The following DDX41 variants were observed in gnomAD, a reference collection of about 807,000 sequenced individuals.
DDX41 encodes probable ATP-dependent RNA helicase DDX41.
In DDX41, 50 loss-of-function variants were observed where a neutral mutation model predicts 78.8. The ratio of observed to expected loss-of-function variants is 0.63; its 90% CI spans 0.51 to 0.80. The LOEUF is 0.80. Among genes scored for constraint, DDX41 ranks in the 30% least tolerant of loss-of-function variants. DDX41 has a pLI of 0.00. For synonymous variants in DDX41, 381 were observed against 321.5 expected, an observed-to-expected ratio of 1.19 and a Z score of -1.98; for missense variants, 633 against 849.2, an observed-to-expected ratio of 0.75 and a Z score of 3.16.
rs1471357257 is a variant in DDX41, at chr5:177,512,138, G to C, written c.1690C>G (p.Gln564Glu). The C allele has an allele frequency of 6.2e-7, 1 of 1,613,478 alleles. No homozygotes were observed. Among genetic ancestry groups the C allele is most frequent in the East Asian group, 2.2e-5 (1 of 44,874 alleles). ...GACTCATCCCCGCAATGCAGCACCT[G>C]CAGCACGGGCGGCACCTTCTGCTTG... The part of the protein sequence containing the change: ...EAKQKVPPVL[Q>E]VLHCGDESML... Residue 564 changes from glutamine to glutamate, a missense_variant, in exon 16 of 17, where the codon CAG (glutamine) becomes GAG (glutamate). Physicochemically the swap from Gln to Glu is conservative, Grantham distance 29. This residue lies in a region of DDX41 where 185 missense variants were observed against 367.4 expected (regional missense o/e 0.50). Transcript: ENST00000330503.
intron 6 of DDX41, 114 bp from the exon 7 acceptor site, chr5:177,515,372 G>C (rs544838908): frequency 1.5e-5 from 5 of 329,898 alleles, no homozygotes; most frequent in African/African-American, 9.3e-5. Context: ...CTGAGGCTCA[G>C]AGAGAGAGAG....
In DDX41 at chr5:177,514,759, G is replaced by A. The variant is rs763133277; in HGVS notation, c.877C>T (p.Arg293Cys). The A allele has an allele frequency of 2.0e-5, 32 of 1,612,766 alleles. No individual in the cohort carries two copies. Among genetic ancestry groups the A allele is most frequent in the Middle Eastern group, 3.3e-4 (2 of 6,084 alleles). Residue 293 changes from arginine to cysteine, a missense_variant, in exon 9 of 17, where the codon CGC becomes TGC. By Grantham distance (180) the Arg-to-Cys change is radical. This residue lies in a region of DDX41 where 151 missense variants were observed against 169.2 expected (regional missense o/e 0.89). Coordinates refer to ENST00000330503, the MANE Select transcript of DDX41 (RefSeq NM_016222.4). This position sits in a 1 kb window ranked among gnomAD's most constrained non-coding sequence, Gnocchi z 4.2. ...ATGCCCCCAATGCAGAGGGCGCAGCGCAGGAGTGGTGAGCTGTCCTCCTGC... is the reference window on the plus strand; with the variant it reads ...ATGCCCCCAATGCAGAGGGCGCAGCACAGGAGTGGTGAGCTGTCCTCCTGC... ...LLQEDSSPLL[R>C]CALCIGGMSV...
Position 177,514,919 on chromosome 5 carries a change from G to A in DDX41, c.795C>T (p.Pro265=), listed in dbSNP as rs970017153. The A allele has an allele frequency of 1.2e-6, 2 of 1,603,908 alleles. No homozygotes were observed. The highest frequency in any genetic ancestry group is 2.2e-5 in the East Asian group (1 of 44,554). The stretch of plus-strand genomic sequence containing the variant: ...CCTCCAGGCCAGCCTATCTTACCGA[G>A]GGGCAGATGATGAGTCCATAGGGCC... ...REGPYGLIIC[P]SRELARQTHG... is the part of the protein sequence containing the mutation. The change falls in exon 8 of 17, where the codon CCC becomes CCT. Residue 265 remains proline, a synonymous_variant. Coordinates refer to ENST00000330503, the MANE Select transcript of DDX41 (RefSeq NM_016222.4). The surrounding 1 kb of genome is among the most constrained non-coding windows in gnomAD (Gnocchi z 4.2).
At chr5:177,511,992 CCCCCGTTAGGCACCCTCGGT>C (rs1372114499) in intron 16 of DDX41, 65 bp from the exon 17 acceptor site, 2 of 1,606,304 alleles carry the variant, frequency 1.2e-6, no homozygotes, top group African/African-American at 2.7e-5. Context: ...GACTTCGGGC[CCCCCGTTAGGCACCCTCGGT>C]CCACCGGTTT....
In DDX41 at chr5:177,515,790, A is replaced by T; in HGVS notation, c.466T>A (p.Ser156Thr). The T allele has an allele frequency of 6.2e-7, 1 of 1,614,190 alleles. No individual in the cohort carries two copies. The highest frequency in any genetic ancestry group is 8.5e-7 in the Non-Finnish European group (1 of 1,180,036). Reference protein sequence around the residue: ...WTPPRYVLSMSEERHERVRKK... With the variant: ...WTPPRYVLSMTEERHERVRKK... ...CGCACGCGCTCATGTCGCTCTTCAG[A>T]CATGCTCAGAACATAACGGGGTGGA... Residue 156 changes from serine to threonine, a missense_variant, in exon 6 of 17, where the codon TCT (serine) becomes ACT (threonine). Transcript: ENST00000330503.
Position 177,511,859 on chromosome 5 carries a change from T to C in DDX41, c.1801A>G (p.Met601Val). Reference sequence around the variant, plus strand: ...ATGTTGCTGACCTGCTTGGTCTGCATAGCCTCGAGTTTGGGGCAGTCAGTG... The same window carrying C: ...ATGTTGCTGACCTGCTTGGTCTGCACAGCCTCGAGTTTGGGGCAGTCAGTG... Reference protein sequence around the residue: ...RITDCPKLEAMQTKQVSNIGR... With the variant: ...RITDCPKLEAVQTKQVSNIGR... The change falls in exon 17 of 17, where the codon ATG becomes GTG. Residue 601 changes from methionine to valine, a missense_variant. Coordinates refer to ENST00000330503, the MANE Select transcript of DDX41 (RefSeq NM_016222.4). 2.5e-6 allele frequency: 4 copies of C among 1,614,136 alleles called. No homozygotes were observed. Among genetic ancestry groups the C allele is most frequent in the Non-Finnish European group, 3.4e-6 (4 of 1,180,008 alleles).
At position 177,511,833 on chromosome 5, in the gene DDX41, G is replaced by T. The variant is rs771561040; in HGVS notation, c.1827C>A (p.Ile609=). The change falls in exon 17 of 17, where the codon ATC becomes ATA. Residue 609 remains isoleucine, a synonymous_variant. Transcript: ENST00000330503. ...TGTGGGCCAGGTAGTCCTTGCGACCGATGTTGCTGACCTGCTTGGTCTGCA... is the reference window on the plus strand; with the variant it reads ...TGTGGGCCAGGTAGTCCTTGCGACCTATGTTGCTGACCTGCTTGGTCTGCA... ...EAMQTKQVSN[I]GRKDYLAHSS... is the part of the protein sequence containing the mutation. 1.2e-6 allele frequency: 2 copies of T among 1,614,144 alleles called. No homozygotes were observed. Among genetic ancestry groups the T allele is most frequent in the South Asian group, 2.2e-5 (2 of 91,086 alleles).
At position 177,516,388 on chromosome 5, in the gene DDX41, G is replaced by T. The variant is rs1231474960; in HGVS notation, c.198C>A (p.Ser66Arg). Reference protein sequence around the residue: ...KGAAEEEQQDSGSEPRGDEDD... With the variant: ...KGAAEEEQQDRGSEPRGDEDD... The stretch of plus-strand genomic sequence containing the variant: ...CCTCATCTCCCCGGGGTTCACTACC[G>T]CTGTCCTGCTGCTCTTCCTCCGCAG... Residue 66 changes from serine (S) to arginine (R), a missense_variant, in exon 3 of 17, where the codon AGC becomes AGA. Coordinates refer to ENST00000330503, the MANE Select transcript of DDX41 (RefSeq NM_016222.4). The T allele has an allele frequency of 3.1e-6, 5 of 1,613,832 alleles. No homozygotes were observed. The highest frequency in any genetic ancestry group is 4.2e-6 in the Non-Finnish European group (5 of 1,180,016).
Position 177,513,311 on chromosome 5 carries a change from C to A in DDX41, c.1230+42G>T, listed in dbSNP as rs761470066. On this transcript the variant is annotated intron_variant, in intron 11 of 16. Coordinates refer to ENST00000330503, the MANE Select transcript of DDX41 (RefSeq NM_016222.4). This position sits in a 1 kb window ranked among gnomAD's most constrained non-coding sequence, Gnocchi z 4.6. ...CTTCAGGGAGACTTGTCAGATCCAG[C>A]CCCCACAGGTGAGAGACCGCCCATC... 2.2e-5 allele frequency: 36 copies of A among 1,612,324 alleles called. 1 individual carries two copies. In the East Asian group the frequency reaches 7.6e-4, roughly 34 times the overall value.
At position 177,514,236 on chromosome 5, in the gene DDX41, G is replaced by A. The variant is rs1273397694; in HGVS notation, c.936-389C>T. 1 of 490,752 alleles carries A rather than the reference G, an allele frequency of 2.0e-6. No homozygotes were observed. The highest frequency in any genetic ancestry group is 4.0e-6 in the Non-Finnish European group (1 of 250,464). The allele number at this position is 490,752 out of a possible 1,614,324, so 30.4% of individuals were successfully genotyped here. On this transcript the variant is annotated intron_variant, in intron 9 of 16. Transcript: ENST00000330503. This position sits in a 1 kb window ranked among gnomAD's most constrained non-coding sequence, Gnocchi z 4.2. Reference sequence around the variant, plus strand: ...CCGGGATGGGGTCTGGCCCATCTGTGAACAGAGGGCCTGGTCCAGGGCCTC... The same window carrying A: ...CCGGGATGGGGTCTGGCCCATCTGTAAACAGAGGGCCTGGTCCAGGGCCTC...
chr5:177,512,732 G>C, intron 13 of DDX41, 48 bp downstream of exon 13: 1 of 1,613,178 alleles, frequency 6.2e-7, no homozygotes, highest in Non-Finnish European at 8.5e-7. Flanking sequence ...ATTAGGTAAA[G>C]CACTGCTACT....
Position 177,511,601 on chromosome 5 carries a change from G to T in DDX41, c.*190C>A. 3.9e-6 allele frequency: 3 copies of T among 769,570 alleles called. No homozygotes were observed. Among genetic ancestry groups the T allele is most frequent in the Non-Finnish European group, 6.1e-6 (3 of 490,256 alleles). The allele number at this position is 769,570 out of a possible 1,614,324, so 47.7% of individuals were successfully genotyped here. On this transcript the variant is annotated 3_prime_UTR_variant, in exon 17 of 17. Transcript: ENST00000330503. ...CTGGGCTAGAGGTTTGGGCTTTAAT[G>T]GCAGCTGGGGTAAAAGGAAACAAAA... is the stretch of plus-strand genomic sequence containing the variant.
Position 177,512,340 on chromosome 5 carries a change from A to T in DDX41, c.1603T>A (p.Phe535Ile), listed in dbSNP as rs1382668708. ...GACTCACCACACGCTTTGTTGATGA[A>T]GGTAGTGGCGATGCCTGTGTTTCCC... ...RSGNTGIATT[F>I]INKACDESVL... Residue 535 changes from phenylalanine (F) to isoleucine (I), a missense_variant, in exon 15 of 17, where the codon TTC becomes ATC. By Grantham distance (21) the Phe-to-Ile change is conservative. This residue lies in a region of DDX41 where 185 missense variants were observed against 367.4 expected (regional missense o/e 0.50). Coordinates refer to ENST00000330503, the MANE Select transcript of DDX41 (RefSeq NM_016222.4). 6.2e-7 allele frequency: 1 copy of T among 1,613,954 alleles called. No individual in the cohort carries two copies.
Position 177,514,165 on chromosome 5 carries a change from G to A in DDX41, c.936-318C>T, listed in dbSNP as rs1449824539. 2 of 554,368 alleles carry A rather than the reference G, an allele frequency of 3.6e-6. No homozygotes were observed. Among genetic ancestry groups the A allele is most frequent in the East Asian group, 4.3e-5 (1 of 23,380 alleles). The allele number at this position is 554,368 out of a possible 1,614,324, so 34.3% of individuals were successfully genotyped here. A position where few individuals can be genotyped will look rare whatever the true frequency, so the allele number is the denominator to read the frequency against. On this transcript the variant is annotated intron_variant, in intron 9 of 16. Coordinates refer to ENST00000330503, the MANE Select transcript of DDX41 (RefSeq NM_016222.4). This position sits in a 1 kb window ranked among gnomAD's most constrained non-coding sequence, Gnocchi z 4.2. ...CTGGCCCACTGGCTTCACCTTTTCT[G>A]TGCTCACCATCTCCCTAATACTCAG...
chr5:177,515,333 ACTACCC>A, intron 6 of DDX41, 75 bp from the exon 7 acceptor site: 1 of 1,400,548 alleles, frequency 7.1e-7, no homozygotes, highest in Non-Finnish European at 1.0e-6. Context: ...TAAAACTGGC[ACTACCC>A]CTACAAGTTG....
rs757444745 is a variant in DDX41 at position 177,516,929 on chromosome 5, G to C, written c.17C>G (p.Pro6Arg). The change falls in exon 1 of 17, where the codon CCC becomes CGC. Residue 6 changes from proline to arginine, a missense_variant. Coordinates refer to ENST00000330503, the MANE Select transcript of DDX41 (RefSeq NM_016222.4). ...TCGCCTCTCTCCTACCTTCCGTTCGGGTTCCGACTCCTCCATTCTTTGCTG... is the reference window on the plus strand; with the variant it reads ...TCGCCTCTCTCCTACCTTCCGTTCGCGTTCCGACTCCTCCATTCTTTGCTG... MEESE[P>R]ERKRARTDEV... The C allele has an allele frequency of 4.3e-6, 7 of 1,613,110 alleles. No homozygotes were observed. The highest frequency in any genetic ancestry group is 5.9e-6 in the Non-Finnish European group (7 of 1,179,936).
Position 177,513,345 on chromosome 5 carries a change from C to T in DDX41, c.1230+8G>A, listed in dbSNP as rs1761067671. On this transcript the variant is annotated splice_region_variant and intron_variant, in intron 11 of 16. Coordinates refer to ENST00000330503, the MANE Select transcript of DDX41 (RefSeq NM_016222.4). This position sits in a 1 kb window ranked among gnomAD's most constrained non-coding sequence, Gnocchi z 4.6. ...GTGAGAGACCGCCCATCAGGAGCAC[C>T]TGCCCACCTGGATGACATCCAGGCT... 2 of 1,614,084 alleles carry T rather than the reference C, an allele frequency of 1.2e-6. No homozygotes were observed. The highest frequency in any genetic ancestry group is 1.7e-5 in the Admixed American group (1 of 60,038).
rs774477210 is a variant in DDX41 at position 177,513,489 on chromosome 5, G to C, written c.1099-5C>G. On this transcript the variant is annotated splice_region_variant and splice_polypyrimidine_tract_variant and intron_variant, in intron 10 of 16. Transcript: ENST00000330503. The surrounding 1 kb of genome is among the most constrained non-coding windows in gnomAD (Gnocchi z 4.6). Reference sequence around the variant, plus strand: ...GAGCAGGGTCTGTCGCTGGCCCTGAGGAAGAGGGGGGCTGCGACCAAGGGC... The same window carrying C: ...GAGCAGGGTCTGTCGCTGGCCCTGACGAAGAGGGGGGCTGCGACCAAGGGC... 2 of 1,614,014 alleles carry C rather than the reference G, an allele frequency of 1.2e-6. No homozygotes were observed. Among genetic ancestry groups the C allele is most frequent in the African/African-American group, 2.7e-5 (2 of 74,950 alleles).
Position 177,512,809 on chromosome 5 carries a change from A to G in DDX41, c.1370T>C (p.Val457Ala). 6.2e-7 allele frequency: 1 copy of G among 1,614,008 alleles called. No individual in the cohort carries two copies. Among genetic ancestry groups the G allele is most frequent in the South Asian group, 1.1e-5 (1 of 91,080 alleles). The change falls in exon 13 of 17, where the codon GTT (valine) becomes GCT (alanine). Residue 457 changes from valine to alanine, a missense_variant. Val to Ala is a moderately conservative substitution (Grantham distance 64). Coordinates refer to ENST00000330503, the MANE Select transcript of DDX41 (RefSeq NM_016222.4). ...GCCCCCATGGATGGCTACGGCCTCA[A>G]CCCCCTTGAGCAGCAGGTACTCGTG... The part of the protein sequence containing the change: ...AIHEYLLLKG[V>A]EAVAIHGGKD...
Sources: allele counts gnomAD v4.1 joint callset, GRCh38; gene constraint gnomAD v4.1.1; regional missense constraint gnomAD v4.1.1; non-coding constraint Gnocchi (gnomAD v3.1); transcripts MANE v1.5; gene names NCBI Gene and HGNC (gene_info 2026-07-23, HGNC 2026-07-21).